The following SCUBE1 variants were observed in gnomAD, a reference collection of about 807,000 sequenced individuals.
The protein encoded by SCUBE1 is signal peptide, CUB and EGF-like domain-containing protein 1.
In SCUBE1, 59 loss-of-function variants were observed where a neutral mutation model predicts 124.4. The ratio of observed to expected loss-of-function variants is 0.47; its 90% CI spans 0.38 to 0.59. The LOEUF is 0.59. SCUBE1 is among the 20% of genes least tolerant of loss of function. The probability of loss-of-function intolerance (pLI) is 0.00; values close to 1 mark genes in which losing one functional copy is unlikely to be tolerated. For synonymous variants in SCUBE1, 545 were observed against 550.9 expected (o/e 0.99, Z 0.15); for missense variants, 1,150 against 1,371.2 (o/e 0.84, Z 2.55).
chr22:43,253,482 G>C (rs1395121548), intron 6 of SCUBE1, among the ~76,000 whole-genome samples: 1 of 152,144 alleles, frequency 6.6e-6, no homozygotes, highest in Non-Finnish European at 1.5e-5. Flanking sequence ...TCTAAGGGGT[G>C]GTATGGGAGG....
intron 6 of SCUBE1, among the ~76,000 whole-genome samples, chr22:43,249,568 C>G (rs1376718675): frequency 6.6e-6 from 1 of 152,190 alleles, no homozygotes; most frequent in African/African-American, 2.4e-5. Context: ...TCAGGATGAG[C>G]AGCCCCTTAC....
intron 6 of SCUBE1, among the ~76,000 whole-genome samples, chr22:43,246,887 G>C (rs1923237049): frequency 1.4e-5 from 2 of 146,134 alleles, no homozygotes; most frequent in Non-Finnish European, 3.0e-5. Context: ...GGGCGGGGCA[G>C]GGAGTAGCTG....
At chr22:43,268,923 A>C (rs1449604653) in intron 4 of SCUBE1, among the ~76,000 whole-genome samples, 1 of 152,164 alleles carries the variant, frequency 6.6e-6, no homozygotes, top group Non-Finnish European at 1.5e-5. Context: ...ATCACTCTGA[A>C]AGGGACAAAG....
At position 43,258,281 on chromosome 22, in the gene SCUBE1, G is replaced by A; in HGVS notation, c.665C>T (p.Thr222Ile). ...GCQHSCEDTD[T>I]GPTCGCHQKY... ...CTGGTGGCAACCACACGTGGGGCCT[G>A]TGTCTGTGTCCTCACAGCTGTGCTG... is the stretch of plus-strand genomic sequence containing the variant. The change falls in exon 6 of 22, where the codon ACA (threonine) becomes ATA (isoleucine). Residue 222 changes from threonine to isoleucine, a missense_variant. Around this residue, in one of 3 missense-constraint regions of SCUBE1, gnomAD observed 337 missense variants for 482.1 expected, o/e 0.70. Coordinates refer to ENST00000360835, the MANE Select transcript of SCUBE1 (RefSeq NM_173050.5). This position sits in a 1 kb window ranked among gnomAD's most constrained non-coding sequence, Gnocchi z 5.0. The A allele has an allele frequency of 1.9e-6, 3 of 1,614,166 alleles. No homozygotes were observed. The highest frequency in any genetic ancestry group is 2.7e-5 in the African/African-American group (2 of 75,050).
intron 3 of SCUBE1, among the ~76,000 whole-genome samples, chr22:43,319,282 G>A (rs4822279): frequency 0.27 from 40,470 of 151,976 alleles, 5,659 homozygotes; most frequent in Non-Finnish European, 0.3. Flanking sequence ...AGGCGCAGTG[G>A]CTGGCCGGGC....
intron 2 of SCUBE1, among the ~76,000 whole-genome samples, chr22:43,323,143 T>G (rs1001453033): frequency 6.6e-6 from 1 of 152,196 alleles, no homozygotes; most frequent in Non-Finnish European, 1.5e-5. Context: ...TTGGCACATT[T>G]ATACAGTGTA....
At position 43,271,790 on chromosome 22, in the gene SCUBE1, A is replaced by T. The variant is rs142441509; in HGVS notation, c.485-8945T>A. ...TAGTCCCCTCTGGGAAATGCAAGTG[A>T]CCAAAGACTGCGGGCTTCTACTTAC... On this transcript the variant is annotated intron_variant, in intron 4 of 21. Coordinates refer to ENST00000360835, the MANE Select transcript of SCUBE1 (RefSeq NM_173050.5). Among the ~76,000 whole-genome samples the T allele has an allele frequency of 5.3e-3, 814 of 152,252 alleles. 6 individuals carry two copies. The highest frequency in any genetic ancestry group is 9.9e-3 in the Non-Finnish European group (674 of 67,986).
At chr22:43,209,769 C>T (rs1009543330) in intron 19 of SCUBE1, among the ~76,000 whole-genome samples, 6 of 152,204 alleles carry the variant, frequency 3.9e-5, no homozygotes, top group African/African-American at 9.6e-5. Flanking sequence ...GGCTCGTGGC[C>T]GGAGTTGAGA....
rs900022317 is a variant in SCUBE1, at chr22:43,212,510, G to C, written c.2136C>G (p.Pro712=). The C allele has an allele frequency of 1.3e-6, 2 of 1,558,184 alleles. No individual in the cohort carries two copies. The highest frequency in any genetic ancestry group is 1.4e-5 in the African/African-American group (1 of 73,512). The stretch of plus-strand genomic sequence containing the variant: ...CACAGGGGAAGCAGCCGGTGCGCCC[G>C]GGCTCAGGCTGGTACGTGCCCACGG... ...ACPVGTYQPE[P]GRTGCFPCGG... Residue 712 remains proline (P), a synonymous_variant, in exon 17 of 22, where the codon CCC becomes CCG. Coordinates refer to ENST00000360835, the MANE Select transcript of SCUBE1 (RefSeq NM_173050.5).
intron 10 of SCUBE1, among the ~76,000 whole-genome samples, chr22:43,226,346 A>C (rs550395647): frequency 6.6e-6 from 1 of 152,140 alleles, no homozygotes; most frequent in Non-Finnish European, 1.5e-5. Flanking sequence ...GAAGTGGCCA[A>C]GGCTGCGGCT....
intron 6 of SCUBE1, among the ~76,000 whole-genome samples, chr22:43,243,193 ATAAG>A (rs1189795948): frequency 6.6e-6 from 1 of 152,358 alleles, no homozygotes; most frequent in East Asian, 1.9e-4. Context: ...CTCCAGGCTG[ATAAG>A]TAAGCCGGCC....
intron 4 of SCUBE1, chr22:43,272,627 T>A (rs530163682): frequency 6.6e-6 from 1 of 152,360 alleles, no homozygotes; most frequent in South Asian, 2.1e-4. Context: ...CTCCTCCTGA[T>A]CTGCTCTCCT....
chr22:43,206,809 G>A (rs987424057), intron 21 of SCUBE1, among the ~76,000 whole-genome samples: 6 of 152,152 alleles, frequency 3.9e-5, no homozygotes, highest in Admixed American at 6.5e-5. Flanking sequence ...CAGAGATTGC[G>A]GGGAGAGAGC....
intron 2 of SCUBE1, among the ~76,000 whole-genome samples, chr22:43,322,776 G>A (rs535366139): frequency 1.7e-4 from 26 of 152,308 alleles, no homozygotes; most frequent in African/African-American, 6.0e-4. Flanking sequence ...GGGTTGGTAG[G>A]TGACTTAGGT....
At chr22:43,301,563 C>T (rs959224599) in intron 3 of SCUBE1, among the ~76,000 whole-genome samples, 4 of 152,160 alleles carry the variant, frequency 2.6e-5, no homozygotes, top group African/African-American at 4.8e-5. Context: ...CCTCAGCTCA[C>T]GTGCCGCTTT....
At chr22:43,290,256 T>C (rs529427037) in intron 4 of SCUBE1, among the ~76,000 whole-genome samples, 8 of 151,972 alleles carry the variant, frequency 5.3e-5, no homozygotes, top group African/African-American at 1.9e-4. Context: ...CAAGCACATG[T>C]GTCCTGGCCC....
chr22:43,201,623 A>T lies in SCUBE1; in HGVS notation c.*2374T>A, dbSNP rs1462743230. ...CGTTCTCGGGGCTTTGGATGCTGGG[A>T]CTCACAGGGTGGCCCCTGGCTTCTC... On this transcript the variant is annotated 3_prime_UTR_variant, in exon 22 of 22. Transcript: ENST00000360835. 1 of 152,056 alleles carries T rather than the reference A, an allele frequency of 6.6e-6. No individual in the cohort carries two copies. Among genetic ancestry groups the T allele is most frequent in the Non-Finnish European group, 1.5e-5 (1 of 68,014 alleles). The allele number at this position is 152,056 out of a possible 1,614,324, so 9.4% of individuals were successfully genotyped here. A position where few individuals can be genotyped will look rare whatever the true frequency, so the allele number is the denominator to read the frequency against.
In SCUBE1 at chr22:43,339,340, C is replaced by T. The variant is rs561189545; in HGVS notation, c.89-105G>A. 7.7e-5 allele frequency: 88 copies of T among 1,138,474 alleles called. No individual in the cohort carries two copies. The African/African-American group carries it at 1.1e-3, about 14-fold the overall frequency. 70.5% of individuals were successfully genotyped at this position (1,138,474 alleles called of 1,614,324 possible). Reference sequence around the variant, plus strand: ...CTCTTGCCTTTGCCCGTCCATTGATCGGTGGGCTCATTGGCAATAACAGCT... The same window carrying T: ...CTCTTGCCTTTGCCCGTCCATTGATTGGTGGGCTCATTGGCAATAACAGCT... On this transcript the variant is annotated intron_variant, in intron 1 of 21. Coordinates refer to ENST00000360835, the MANE Select transcript of SCUBE1 (RefSeq NM_173050.5).
rs531229416 is a variant in SCUBE1 at position 43,203,727 on chromosome 22, C to T, written c.*270G>A. The T allele has an allele frequency of 8.1e-5, 32 of 394,386 alleles. No homozygotes were observed. Among genetic ancestry groups the T allele is most frequent in the African/African-American group, 5.6e-4 (27 of 48,500 alleles). The allele number at this position is 394,386 out of a possible 1,614,324, so 24.4% of individuals were successfully genotyped here. The stretch of plus-strand genomic sequence containing the variant: ...GTCCTGCAATCCTGCTACCTGCAGT[C>T]GGTCTGCCAGGGCTCAGGAGAGGGC... On this transcript the variant is annotated 3_prime_UTR_variant, in exon 22 of 22. Transcript: ENST00000360835.
Sources: gnomAD v4.1 joint callset for allele counts (sites outside exome capture counted in the v4.1 genomes callset) on GRCh38, gnomAD v4.1.1 for gene constraint, gnomAD v4.1.1 regional missense constraint, Gnocchi (gnomAD v3.1) non-coding constraint, MANE v1.5 for transcripts, NCBI Gene and HGNC (gene_info 2026-07-23, HGNC 2026-07-21) for gene names.